The following CCDC171 variants were observed in gnomAD, a reference collection of about 807,000 sequenced individuals.
CCDC171 encodes coiled-coil domain-containing protein 171.
In CCDC171, 177 loss-of-function variants were observed where a neutral mutation model predicts 168.2. That is an observed-to-expected ratio of 1.05 (90% CI 0.93 to 1.19). The LOEUF (loss-of-function observed/expected upper bound fraction) is 1.19, where lower values mean the gene tolerates loss of function less well. Ranked by LOEUF, CCDC171 falls within the 50% of genes most tolerant of loss-of-function variation. The pLI is 0.00. For missense variants in CCDC171, 1,991 were observed against 1,539.0 expected, an observed-to-expected ratio of 1.29 and a Z score of -4.91; for synonymous variants, 687 against 540.8, an observed-to-expected ratio of 1.27 and a Z score of -3.75.
At chr9:15,890,158 C>A (rs1050368045) in intron 24 of CCDC171, among the ~76,000 whole-genome samples, 1 of 150,394 alleles carries the variant, frequency 6.6e-6, no homozygotes, top group South Asian at 2.1e-4. Context: ...ACAAAGGTAA[C>A]TCAAACTTTT....
chr9:15,675,385 A>G (rs887556418), intron 9 of CCDC171, among the ~76,000 whole-genome samples: 2 of 152,016 alleles, frequency 1.3e-5, no homozygotes, highest in African/African-American at 4.8e-5. Flanking sequence ...TAAGGTTAAT[A>G]CTGTTATGTG....
At chr9:15,576,239 A>G (rs990602171) in intron 3 of CCDC171, among the ~76,000 whole-genome samples, 1 of 151,660 alleles carries the variant, frequency 6.6e-6, no homozygotes, top group Non-Finnish European at 1.5e-5. Flanking sequence ...GCTTGCATGC[A>G]GTGATGTGAT....
intron 1 of CCDC171, among the ~76,000 whole-genome samples, chr9:16,058,044 A>G (rs896502007): frequency 1.4e-5 from 2 of 145,752 alleles, no homozygotes; most frequent in Admixed American, 6.7e-5. Context: ...AATTTTTTGA[A>G]AAAAAAAAAA....
chr9:15,635,756 G>A (rs898946420), intron 7 of CCDC171, among the ~76,000 whole-genome samples: 4 of 152,124 alleles, frequency 2.6e-5, no homozygotes, highest in African/African-American at 4.8e-5. Flanking sequence ...ATGAACATTC[G>A]TGTACAGGTT....
chr9:15,562,159 T>C (rs1175634427), intron 1 of CCDC171, among the ~76,000 whole-genome samples: 1 of 152,072 alleles, frequency 6.6e-6, no homozygotes, highest in Non-Finnish European at 1.5e-5. Flanking sequence ...CACGCCCAGC[T>C]AATTTTCTTT....
chr9:15,631,981 T>C lies in CCDC171; in HGVS notation c.822+8568T>C, dbSNP rs556725450. Among the ~76,000 whole-genome samples the C allele has an allele frequency of 4.6e-5, 7 of 152,274 alleles. 1 individual carries two copies. Among genetic ancestry groups the C allele is most frequent in the Non-Finnish European group, 8.8e-5 (6 of 68,024 alleles). ...GACAAAATTCAACAACCCTTCATGC[T>C]AAAAACTCTCAATAAATTAGGTATT... On this transcript the variant is annotated intron_variant, in intron 7 of 25. Transcript: ENST00000380701.
intron 25 of CCDC171, among the ~76,000 whole-genome samples, chr9:15,949,175 G>T (rs1482958339): frequency 6.6e-6 from 1 of 152,034 alleles, no homozygotes; most frequent in Non-Finnish European, 1.5e-5. Flanking sequence ...CTGTTCCATT[G>T]ATCTATATCT....
Position 15,724,897 on chromosome 9 carries a change from G to C in CCDC171, c.1613G>C (p.Trp538Ser), listed in dbSNP as rs893290596. 6.2e-6 allele frequency: 10 copies of C among 1,613,894 alleles called. No homozygotes were observed. Among genetic ancestry groups the C allele is most frequent in the Admixed American group, 1.7e-5 (1 of 59,990 alleles). Residue 538 changes from tryptophan (W) to serine (S), a missense_variant, in exon 14 of 26, where the codon TGG becomes TCG. Coordinates refer to ENST00000380701, the MANE Select transcript of CCDC171 (RefSeq NM_173550.4). Reference protein sequence around the residue: ...KVELQNVLHCWEKEKAQAAQS... With the variant: ...KVELQNVLHCSEKEKAQAAQS... Reference sequence around the variant, plus strand: ...GAACTACAAAATGTGCTGCACTGTTGGGAGAAAGAAAAGGCTCAGGCAGCC... The same window carrying C: ...GAACTACAAAATGTGCTGCACTGTTCGGAGAAAGAAAAGGCTCAGGCAGCC...
intron 25 of CCDC171, among the ~76,000 whole-genome samples, chr9:15,967,055 C>T (rs1350203636): frequency 6.6e-6 from 1 of 152,104 alleles, no homozygotes; most frequent in African/African-American, 2.4e-5. Flanking sequence ...TTTTTGCCAA[C>T]TCTGGCTGTC....
intron 6 of CCDC171, among the ~76,000 whole-genome samples, chr9:15,602,750 C>T (rs1034956638): frequency 1.1e-4 from 16 of 150,050 alleles, no homozygotes; most frequent in African/African-American, 3.4e-4. Context: ...CTCCGCCTCC[C>T]GGGTTTAAGC....
intron 7 of CCDC171, among the ~76,000 whole-genome samples, chr9:15,640,675 T>G (rs2046539221): frequency 6.6e-6 from 1 of 152,158 alleles, no homozygotes; most frequent in African/African-American, 2.4e-5. Flanking sequence ...AATAATATTA[T>G]TGTTTCTTAA....
chr9:15,603,602 A>G lies in CCDC171; in HGVS notation c.675+9430A>G, dbSNP rs188965068. On this transcript the variant is annotated intron_variant, in intron 6 of 25. Transcript: ENST00000380701. Reference sequence around the variant, plus strand: ...CATGATTTCATTCATTTATGGCTGCATAGTATTCTATGGTGTATATATACC... The same window carrying G: ...CATGATTTCATTCATTTATGGCTGCGTAGTATTCTATGGTGTATATATACC... Among the ~76,000 whole-genome samples the G allele has an allele frequency of 2.7e-3, 410 of 152,318 alleles. 2 individuals are homozygous for G. The highest frequency in any genetic ancestry group is 4.5e-3 in the Non-Finnish European group (304 of 68,030).
At chr9:15,665,799 T>G (rs1468864451) in intron 8 of CCDC171, among the ~76,000 whole-genome samples, 1 of 152,154 alleles carries the variant, frequency 6.6e-6, no homozygotes, top group Admixed American at 6.5e-5. Flanking sequence ...CCCAAACATT[T>G]AATTTATTAT....
intron 2 of CCDC171, among the ~76,000 whole-genome samples, chr9:15,570,968 C>T (rs2040178232): frequency 6.6e-6 from 1 of 152,118 alleles, no homozygotes; most frequent in South Asian, 2.1e-4. Flanking sequence ...GGATGGGGAT[C>T]TGAGGATGTA....
chr9:15,569,455 A>G lies in CCDC171; in HGVS notation c.42-2169A>G, dbSNP rs183098975. On this transcript the variant is annotated intron_variant, in intron 2 of 25. Transcript: ENST00000380701. ...CAAGACTATTTAATGTTATAAATTT[A>G]TTGTTTTTCATTCTGCACCTTTTTT... Among the ~76,000 whole-genome samples, 353 of 152,318 alleles carry G rather than the reference A, an allele frequency of 2.3e-3. 2 individuals are homozygous for G. The highest frequency in any genetic ancestry group is 8.2e-3 in the African/African-American group (340 of 41,572).
chr9:15,728,162 C>T (rs2053934118), intron 15 of CCDC171, 126 bp downstream of exon 15: 2 of 713,394 alleles, frequency 2.8e-6, no homozygotes, highest in Non-Finnish European at 4.4e-6. Flanking sequence ...TAATTCAATA[C>T]CATTAATTAT....
intron 4 of CCDC171, among the ~76,000 whole-genome samples, chr9:15,591,130 A>G (rs2041981126): frequency 6.6e-6 from 1 of 152,070 alleles, no homozygotes; most frequent in Non-Finnish European, 1.5e-5. Context: ...CAAAATCATC[A>G]TTGTCTGAAG....
At chr9:15,809,245 T>C (rs144504000) in intron 21 of CCDC171, among the ~76,000 whole-genome samples, 82 of 152,302 alleles carry the variant, frequency 5.4e-4, no homozygotes, top group African/African-American at 1.9e-3. Flanking sequence ...TTGCAATGAA[T>C]AGTATTTTCA....
intron 21 of CCDC171, among the ~76,000 whole-genome samples, chr9:15,790,922 T>C (rs893602476): frequency 2.6e-5 from 4 of 152,236 alleles, no homozygotes; most frequent in African/African-American, 7.2e-5. Context: ...TGTGGTATTA[T>C]TTCTGAGGGC....
Sources: gnomAD v4.1 joint callset for allele counts (sites outside exome capture counted in the v4.1 genomes callset) on GRCh38, gnomAD v4.1.1 for gene constraint, MANE v1.5 for transcripts, NCBI Gene and HGNC (gene_info 2026-07-23, HGNC 2026-07-21) for gene names.